FXN: variants seen among roughly 807,000 people sequenced by gnomAD.
FXN encodes the protein frataxin.
In FXN, 14 loss-of-function variants were observed where a neutral mutation model predicts 22.4. The ratio of observed to expected loss-of-function variants is 0.62; its 90% CI spans 0.41 to 0.98. The LOEUF is 0.98. Among genes scored for constraint, FXN ranks in the 50% least tolerant of loss-of-function variants. The pLI is 0.00. For synonymous variants in FXN, 120 were observed against 114.1 expected (o/e 1.05, Z -0.33); for missense variants, 267 against 268.4 (o/e 0.99, Z 0.04).
intron 1 of FXN, among the ~76,000 whole-genome samples, chr9:69,042,316 T>C (rs990624916): frequency 6.6e-6 from 1 of 151,478 alleles, no homozygotes; most frequent in African/African-American, 2.4e-5. Flanking sequence ...CAGAACAGAA[T>C]GGAGCCTCCC....
In FXN at chr9:69,073,567, C is replaced by T; in HGVS notation, c.*805C>T. 1.0e-6 allele frequency: 1 copy of T among 985,358 alleles called. No individual in the cohort carries two copies. The highest frequency in any genetic ancestry group is 1.2e-6 in the Non-Finnish European group (1 of 829,940). The allele number at this position is 985,358 out of a possible 1,614,324, so 61.0% of individuals were successfully genotyped here. Reference sequence around the variant, plus strand: ...TGGAGCTGAGGAGGTGCCTTGTAAACATGAAGGGGCAGATAAAGGAAGGAG... The same window carrying T: ...TGGAGCTGAGGAGGTGCCTTGTAAATATGAAGGGGCAGATAAAGGAAGGAG... On this transcript the variant is annotated 3_prime_UTR_variant, in exon 5 of 5. Coordinates refer to ENST00000484259, the MANE Select transcript of FXN (RefSeq NM_000144.5).
chr9:69,053,303 A>G (rs752946708), intron 3 of FXN, 43 bp downstream of exon 3: 8 of 1,604,920 alleles, frequency 5.0e-6, no homozygotes, highest in Admixed American at 1.7e-5. Context: ...CCCCTCTAAG[A>G]ATTTTAGTTC....
chr9:69,070,388 C>T (rs1189708401), intron 4 of FXN, among the ~76,000 whole-genome samples: 2 of 152,214 alleles, frequency 1.3e-5, no homozygotes, highest in African/African-American at 4.8e-5. Flanking sequence ...GCCTGTGGCT[C>T]CTGGCGCCCC....
intron 1 of FXN, 124 bp downstream of exon 1, chr9:69,036,071 C>G (rs138695995): frequency 0.017 from 14,775 of 859,238 alleles, 161 homozygotes; most frequent in Non-Finnish European, 0.02. Flanking sequence ...TAGCTCACCC[C>G]GCTCCTTCTC....
At chr9:69,036,006 C>G in intron 1 of FXN, 59 bp downstream of exon 1, 3 of 1,268,140 alleles carry the variant, frequency 2.4e-6, no homozygotes, top group Non-Finnish European at 3.0e-6. Context: ...ACGCCGCACG[C>G]CTGCGCAGGG....
chr9:69,050,220 A>G (rs11144937), intron 2 of FXN, among the ~76,000 whole-genome samples: 24,630 of 152,220 alleles, frequency 0.16, 2,134 homozygotes, highest in Middle Eastern at 0.22. Context: ...TGCTGTTCCT[A>G]TAGACAATTC....
At chr9:69,042,239 G>GAAA (rs36033050) in intron 1 of FXN, among the ~76,000 whole-genome samples, 1 of 136,242 alleles carries the variant, frequency 7.3e-6, no homozygotes. Flanking sequence ...CTCCGTCTCA[G>GAAA]AAAAAAAAAA....
rs1832313568 is a variant in FXN, at chr9:69,073,623, C to G, written c.*861C>G. 4.1e-6 allele frequency: 4 copies of G among 985,354 alleles called. No homozygotes were observed. Among genetic ancestry groups the G allele is most frequent in the South Asian group, 9.4e-5 (2 of 21,276 alleles). 61.0% of individuals were successfully genotyped at this position (985,354 alleles called of 1,614,324 possible). A position where few individuals can be genotyped will look rare whatever the true frequency, so the allele number is the denominator to read the frequency against. On this transcript the variant is annotated 3_prime_UTR_variant, in exon 5 of 5. Coordinates refer to ENST00000484259, the MANE Select transcript of FXN (RefSeq NM_000144.5). ...CATGTTGATAAAGAGAGCCCTGGTC[C>G]TAGACATAGTTCAGCCACAAAGTAG...
Position 69,078,645 on chromosome 9 carries a change from C to T in FXN, c.*5883C>T. On this transcript the variant is annotated 3_prime_UTR_variant, in exon 5 of 5. Coordinates refer to ENST00000484259, the MANE Select transcript of FXN (RefSeq NM_000144.5). Reference sequence around the variant, plus strand: ...CCCCTCACACTCAACACTTTGACTCCAGCAATCCCAAATCCCCAGATCCCT... The same window carrying T: ...CCCCTCACACTCAACACTTTGACTCTAGCAATCCCAAATCCCCAGATCCCT... The T allele has an allele frequency of 5.1e-6, 5 of 985,284 alleles. No individual in the cohort carries two copies. Among genetic ancestry groups the T allele is most frequent in the Non-Finnish European group, 6.0e-6 (5 of 829,970 alleles). The allele number at this position is 985,284 out of a possible 1,614,324, so 61.0% of individuals were successfully genotyped here.
chr9:69,067,299 T>G (rs985583128), intron 4 of FXN, among the ~76,000 whole-genome samples: 3 of 152,250 alleles, frequency 2.0e-5, no homozygotes, highest in Admixed American at 2.0e-4. Context: ...TGCGCCTGTC[T>G]TCTTGGAAGG....
chr9:69,069,731 C>G (rs942058967), intron 4 of FXN, among the ~76,000 whole-genome samples: 1 of 152,210 alleles, frequency 6.6e-6, no homozygotes, highest in Non-Finnish European at 1.5e-5. Flanking sequence ...TGATGCTGCC[C>G]GCTCTGCCTG....
At chr9:69,043,332 G>C (rs1831690965) in intron 1 of FXN, 1 of 152,204 alleles carries the variant, frequency 6.6e-6, no homozygotes, top group African/African-American at 2.4e-5. Context: ...AGGAGGCTGT[G>C]ATGTTCCTTA....
Position 69,074,881 on chromosome 9 carries a change from A to G in FXN, c.*2119A>G. 1 of 985,458 alleles carries G rather than the reference A, an allele frequency of 1.0e-6. No homozygotes were observed. Among genetic ancestry groups the G allele is most frequent in the Non-Finnish European group, 1.2e-6 (1 of 829,924 alleles). 61.0% of individuals were successfully genotyped at this position (985,458 alleles called of 1,614,324 possible). A position where few individuals can be genotyped will look rare whatever the true frequency, so the allele number is the denominator to read the frequency against. ...GCCAGTGCCAGTGAGAAAATAAATA[A>G]CATCATACATGTTTGTATGTGTTTG... On this transcript the variant is annotated 3_prime_UTR_variant, in exon 5 of 5. Transcript: ENST00000484259.
chr9:69,036,079 C>A, intron 1 of FXN, 132 bp downstream of exon 1: 1 of 780,398 alleles, frequency 1.3e-6, no homozygotes, highest in Non-Finnish European at 1.7e-6. Context: ...CCCGCTCCTT[C>A]TCAGGGCGGC....
chr9:69,064,803 G>A, intron 3 of FXN, 135 bp from the exon 4 acceptor site: 1 of 684,884 alleles, frequency 1.5e-6, no homozygotes, highest in Non-Finnish European at 2.7e-6. Flanking sequence ...AATACTAAAA[G>A]ACATTTCTTT....
chr9:69,062,185 T>C (rs1832086476), intron 3 of FXN, among the ~76,000 whole-genome samples: 1 of 152,210 alleles, frequency 6.6e-6, no homozygotes. Context: ...GATCACCGGT[T>C]ATTGCAGCCT....
In FXN at chr9:69,035,928, C is replaced by A. The variant is rs995690945; in HGVS notation, c.146C>A (p.Thr49Asn). 36 of 1,475,106 alleles carry A rather than the reference C, an allele frequency of 2.4e-5. No individual in the cohort carries two copies. Among genetic ancestry groups the A allele is most frequent in the East Asian group, 5.8e-5 (2 of 34,280 alleles). The allele number at this position is 1,475,106 out of a possible 1,614,324, so 91.4% of individuals were successfully genotyped here. A position where few individuals can be genotyped will look rare whatever the true frequency, so the allele number is the denominator to read the frequency against. The change falls in exon 1 of 5, where the codon ACC becomes AAC. Residue 49 changes from threonine (T) to asparagine (N), a missense_variant. Physicochemically the swap from Thr to Asn is moderately conservative, Grantham distance 65 (BLOSUM62 0). Transcript: ENST00000484259. ...GGCCTGCGCACCGACATCGATGCGACCTGCACGCCCCGCCGCGCAGTAAGT... is the reference window on the plus strand; with the variant it reads ...GGCCTGCGCACCGACATCGATGCGAACTGCACGCCCCGCCGCGCAGTAAGT... ...RRGLRTDIDA[T>N]CTPRRASSNQ...
chr9:69,044,094 G>T (rs1182924513), intron 1 of FXN, among the ~76,000 whole-genome samples: 1 of 152,112 alleles, frequency 6.6e-6, no homozygotes, highest in African/African-American at 2.4e-5. Context: ...GTTATATATT[G>T]ATCGATTGGT....
At position 69,065,050 on chromosome 9, in the gene FXN, T is replaced by G. The variant is rs745811387; in HGVS notation, c.482+15T>G. On this transcript the variant is annotated intron_variant, in intron 4 of 4. Transcript: ENST00000484259. Reference sequence around the variant, plus strand: ...TCTCCATCCAGGTATGTAGGTATGTTCAGAAGTCAACATATGTAATTCTTA... The same window carrying G: ...TCTCCATCCAGGTATGTAGGTATGTGCAGAAGTCAACATATGTAATTCTTA... The G allele has an allele frequency of 1.9e-6, 3 of 1,588,680 alleles. No homozygotes were observed. Among genetic ancestry groups the G allele is most frequent in the Non-Finnish European group, 2.6e-6 (3 of 1,156,788 alleles).
Sources: gnomAD v4.1 joint callset for allele counts (sites outside exome capture counted in the v4.1 genomes callset) on GRCh38, gnomAD v4.1.1 for gene constraint, MANE v1.5 for transcripts, NCBI Gene and HGNC (gene_info 2026-07-23, HGNC 2026-07-21) for gene names.